GFM2: variants seen among roughly 807,000 people sequenced by gnomAD.
GFM2 encodes GTP dependent ribosome recycling factor mitochondrial 2.
Under a neutral mutation model 95.4 loss-of-function variants are expected in GFM2, and 72 were observed. The observed-to-expected ratio is 0.76, with a 90% confidence interval of 0.62 to 0.92. The LOEUF (loss-of-function observed/expected upper bound fraction) is 0.92. GFM2 is among the 40% of genes least tolerant of loss of function. GFM2 has a pLI of 0.00. For synonymous variants in GFM2, 276 were observed against 317.5 expected, an observed-to-expected ratio of 0.87 and a Z score of 1.39; for missense variants, 825 against 924.1, an observed-to-expected ratio of 0.89 and a Z score of 1.39.
rs1288480957 is a variant in GFM2 at position 74,760,904 on chromosome 5, G to A, written c.146C>T (p.Pro49Leu). Residue 49 changes from proline to leucine, a missense_variant and splice_region_variant, in exon 3 of 21, where the codon CCA becomes CTA. Transcript: ENST00000296805. ...TTAGAAGACTCTAACATTTGTACCT[G>A]GTAGAGAACTGCAATTTCTTCCAAG... is the stretch of plus-strand genomic sequence containing the variant. ...VPLGRNCSSL[P>L]GLIGNDIKSL... 6.3e-7 allele frequency: 1 copy of A among 1,586,964 alleles called. No homozygotes were observed. The highest frequency in any genetic ancestry group is 8.6e-7 in the Non-Finnish European group (1 of 1,158,104).
In GFM2 at chr5:74,747,769, G is replaced by C. The variant is rs748897250; in HGVS notation, c.531C>G (p.Leu177=). 3 of 1,603,816 alleles carry C rather than the reference G, an allele frequency of 1.9e-6. No individual in the cohort carries two copies. Among genetic ancestry groups the C allele is most frequent in the Non-Finnish European group, 2.6e-6 (3 of 1,171,734 alleles). Residue 177 remains leucine, a synonymous_variant, in exon 8 of 21, where the codon CTC becomes CTG. Coordinates refer to ENST00000296805, the MANE Select transcript of GFM2 (RefSeq NM_032380.5). ...DASAGVEAQT[L]TVWRQADKHN... ...GTTTATCAGCTTGCCTCCATACTGT[G>C]AGAGTCTGGGCCTAAAGCAAAGATG...
chr5:74,750,763 GTA>G (rs1182259925), intron 6 of GFM2, 96 bp from the exon 7 acceptor site: 27 of 787,694 alleles, frequency 3.4e-5, no homozygotes, highest in Non-Finnish European at 5.5e-5. Flanking sequence ...GGGTGTGTGT[GTA>G]TATATATGTG....
At chr5:74,757,256 T>C (rs149256104) in intron 5 of GFM2, among the ~76,000 whole-genome samples, 36 of 152,252 alleles carry the variant, frequency 2.4e-4, no homozygotes, top group Non-Finnish European at 4.6e-4. Context: ...GTGGGTTCTA[T>C]TTTTATATAT....
chr5:74,762,929 T>C (rs949795119), intron 2 of GFM2, among the ~76,000 whole-genome samples: 4 of 152,216 alleles, frequency 2.6e-5, no homozygotes, highest in African/African-American at 7.2e-5. Flanking sequence ...TCTGAGCAAC[T>C]GAAACAGCTA....
At chr5:74,761,438 C>T (rs924346863) in intron 2 of GFM2, among the ~76,000 whole-genome samples, 1 of 152,214 alleles carries the variant, frequency 6.6e-6, no homozygotes, top group Non-Finnish European at 1.5e-5. Flanking sequence ...TAAGGTATCT[C>T]ACCCAGGATA....
chr5:74,737,482 GT>G (rs1261178822), intron 14 of GFM2, among the ~76,000 whole-genome samples: 1 of 152,128 alleles, frequency 6.6e-6, no homozygotes, highest in Non-Finnish European at 1.5e-5. Context: ...ATATTGTGAA[GT>G]TCTGTGCCAG....
chr5:74,746,836 G>C (rs1743413265), intron 8 of GFM2, among the ~76,000 whole-genome samples: 1 of 152,030 alleles, frequency 6.6e-6, no homozygotes, highest in African/African-American at 2.4e-5. Context: ...AAAAGGGTCA[G>C]AACTTGAGGC....
intron 3 of GFM2, among the ~76,000 whole-genome samples, chr5:74,759,804 T>G (rs1263650073): frequency 6.6e-6 from 1 of 152,166 alleles, no homozygotes; most frequent in Non-Finnish European, 1.5e-5. Flanking sequence ...CACAGTCCTA[T>G]AAACCTGCCT....
intron 16 of GFM2, among the ~76,000 whole-genome samples, chr5:74,732,084 C>T (rs958772287): frequency 2.0e-5 from 3 of 147,924 alleles, no homozygotes; most frequent in Admixed American, 6.7e-5. Context: ...CATCCTGAGT[C>T]GCTGGGACCA....
intron 11 of GFM2, among the ~76,000 whole-genome samples, chr5:74,741,062 T>C (rs1743082936): frequency 6.6e-6 from 1 of 152,206 alleles, no homozygotes; most frequent in Admixed American, 6.5e-5. Context: ...TAATTGCCTC[T>C]TCTCTGGCTT....
chr5:74,758,023 G>A (rs1298693727), intron 5 of GFM2, among the ~76,000 whole-genome samples: 1 of 152,106 alleles, frequency 6.6e-6, no homozygotes, highest in Non-Finnish European at 1.5e-5. Context: ...GCACAATAAT[G>A]TGAATATACT....
Position 74,740,134 on chromosome 5 carries a change from G to C in GFM2, c.934C>G (p.Gln312Glu), listed in dbSNP as rs116606260. The C allele has an allele frequency of 2.3e-4, 364 of 1,596,020 alleles. 1 individual carries two copies. In the African/African-American group the frequency reaches 4.4e-3, roughly 19 times the overall value. The part of the protein sequence containing the change: ...NFDLLPAEKL[Q>E]TAIHRVTLAQ... ...AGTGTCACTCTATGTATTGCAGTCT[G>C]TAGCTACAGAGCAGAGATACAAATG... Residue 312 changes from glutamine to glutamate, a missense_variant, in exon 12 of 21, where the codon CAG (glutamine) becomes GAG (glutamate). Transcript: ENST00000296805.
intron 5 of GFM2, 34 bp from the exon 6 acceptor site, chr5:74,751,527 A>G: frequency 1.3e-6 from 2 of 1,546,826 alleles, no homozygotes; most frequent in Non-Finnish European, 1.8e-6. Context: ...GTTTAGTCTT[A>G]ATAGCAAGTG....
intron 5 of GFM2, among the ~76,000 whole-genome samples, chr5:74,752,335 C>T (rs1304047784): frequency 6.6e-6 from 1 of 152,096 alleles, no homozygotes; most frequent in Non-Finnish European, 1.5e-5. Context: ...CCTTATACTA[C>T]CATTTATTTC....
chr5:74,742,100 G>A (rs1272782280), intron 10 of GFM2, among the ~76,000 whole-genome samples: 2 of 152,186 alleles, frequency 1.3e-5, no homozygotes, highest in East Asian at 1.9e-4. Flanking sequence ...AGGGAAGGGA[G>A]GCGTAGGCAA....
chr5:74,727,074 G>A (rs181718573), intron 17 of GFM2, among the ~76,000 whole-genome samples: 117 of 152,200 alleles, frequency 7.7e-4, no homozygotes, highest in African/African-American at 2.6e-3. Flanking sequence ...AGACTGAGGC[G>A]GGAGGATTGC....
Position 74,721,329 on chromosome 5 carries a change from CTT to C in GFM2, c.*324_*325del, listed in dbSNP as rs1749867928. ...CTTATTACATTTAGAGGCCTGGCAT[CTT>C]TCTTGTGAGACAAGCTTAAGGACAC... On this transcript the variant is annotated 3_prime_UTR_variant, in exon 21 of 21. Coordinates refer to ENST00000296805, the MANE Select transcript of GFM2 (RefSeq NM_032380.5). The C allele has an allele frequency of 2.6e-6, 2 of 776,670 alleles. No homozygotes were observed. The highest frequency in any genetic ancestry group is 2.3e-6 in the Non-Finnish European group (1 of 441,912). The allele number at this position is 776,670 out of a possible 1,614,324, so 48.1% of individuals were successfully genotyped here.
Position 74,722,478 on chromosome 5 carries a change from G to C in GFM2, c.2112C>G (p.Val704=). 1 of 1,613,964 alleles carries C rather than the reference G, an allele frequency of 6.2e-7. No individual in the cohort carries two copies. Among genetic ancestry groups the C allele is most frequent in the Non-Finnish European group, 8.5e-7 (1 of 1,179,872 alleles). Residue 704 remains valine (V), a synonymous_variant, in exon 20 of 21, where the codon GTC becomes GTG. Coordinates refer to ENST00000296805, the MANE Select transcript of GFM2 (RefSeq NM_032380.5). The part of the protein sequence containing the change: ...VTVARDYLSP[V]LADLAQRRGN... ...CTCTTCTTTGTGCCAGATCTGCCAG[G>C]ACAGGGCTGAGATAATCTCTAGCTA...
At chr5:74,743,849 A>G (rs1441445291) in intron 10 of GFM2, among the ~76,000 whole-genome samples, 1 of 152,228 alleles carries the variant, frequency 6.6e-6, no homozygotes, top group African/African-American at 2.4e-5. Context: ...AACTTATTTA[A>G]GCATTTGAGC....
Sources: allele counts gnomAD v4.1 joint callset (sites outside exome capture counted in the v4.1 genomes callset), GRCh38; gene constraint gnomAD v4.1.1; transcripts MANE v1.5; gene names NCBI Gene and HGNC (gene_info 2026-07-23, HGNC 2026-07-21).